The following BICDL1 variants were observed in gnomAD, a reference collection of about 807,000 sequenced individuals.
The protein encoded by BICDL1 is BICD family-like cargo adapter 1.
In BICDL1, 20 loss-of-function variants were observed where a neutral mutation model predicts 76.8. The ratio of observed to expected loss-of-function variants is 0.26; its 90% CI spans 0.18 to 0.38. The LOEUF is 0.38. Ranked by LOEUF, BICDL1 falls within the 10% of genes least tolerant of loss-of-function variation. The pLI is 1.00. For synonymous variants in BICDL1, 383 were observed against 337.1 expected (o/e 1.14, Z -1.49); for missense variants, 700 against 798.6 (o/e 0.88, Z 1.49).
chr12:120,079,010 C>A lies in BICDL1; in HGVS notation c.1453-1877C>A, dbSNP rs746249594. ...GGGCTCTGCCCTGGTGCCTTGTCTG[C>A]CTCGGGGCTAGATGCATGTGTGTGC... On this transcript the variant is annotated intron_variant, in intron 7 of 9. Coordinates refer to ENST00000548673, the MANE Select transcript of BICDL1 (RefSeq NM_001367886.1). This position sits in a 1 kb window ranked among gnomAD's most constrained non-coding sequence, Gnocchi z 4.3. Among the ~76,000 whole-genome samples, 13 of 152,336 alleles carry A rather than the reference C, an allele frequency of 8.5e-5. No individual in the cohort carries two copies. Among genetic ancestry groups the A allele is most frequent in the Non-Finnish European group, 1.3e-4 (9 of 68,024 alleles).
intron 2 of BICDL1, among the ~76,000 whole-genome samples, chr12:120,022,770 C>G (rs1175964060): frequency 1.3e-5 from 2 of 151,986 alleles, no homozygotes; most frequent in Non-Finnish European, 2.9e-5. Context: ...CCCAGACTGC[C>G]TTGACTTTCA....
chr12:120,084,255 G>C (rs1437368538), intron 8 of BICDL1, among the ~76,000 whole-genome samples: 1 of 152,126 alleles, frequency 6.6e-6, no homozygotes, highest in Non-Finnish European at 1.5e-5. Context: ...ACCCGCCCTG[G>C]CCTCCCAAAG....
At chr12:119,990,892 G>T (rs930142511) in intron 1 of BICDL1, among the ~76,000 whole-genome samples, 3 of 152,178 alleles carry the variant, frequency 2.0e-5, no homozygotes, top group Non-Finnish European at 4.4e-5. Context: ...ATTTAATTTG[G>T]GCCTCAGTAT....
At chr12:120,064,691 G>T in intron 3 of BICDL1, 42 bp from the exon 4 acceptor site, 1 of 1,563,922 alleles carries the variant, frequency 6.4e-7, no homozygotes, top group Non-Finnish European at 8.6e-7. Context: ...TGTCAGCCCG[G>T]GTGTAACTCC....
In BICDL1 at chr12:120,063,182, T is replaced by G. The variant is rs143882260; in HGVS notation, c.762+1356T>G. 9.3e-4 allele frequency among the ~76,000 whole-genome samples: 141 copies of G among 152,300 alleles called. 1 individual carries two copies. The East Asian group carries it at 0.025, about 27-fold the overall frequency. ...ACTGAAAGTTGGGAAACAAAGATGA[T>G]TCATGGGAAGGAAAATTTAAAGGTC... is the stretch of plus-strand genomic sequence containing the variant. On this transcript the variant is annotated intron_variant, in intron 3 of 9. Coordinates refer to ENST00000548673, the MANE Select transcript of BICDL1 (RefSeq NM_001367886.1).
intron 3 of BICDL1, among the ~76,000 whole-genome samples, chr12:120,063,099 A>G (rs1175073496): frequency 6.6e-6 from 1 of 152,158 alleles, no homozygotes; most frequent in Non-Finnish European, 1.5e-5. Flanking sequence ...GTAGCTCCGA[A>G]CTAAGTTTTT....
At chr12:120,092,860 G>C in intron 9 of BICDL1, 140 bp from the exon 10 acceptor site, 8 of 1,410,674 alleles carry the variant, frequency 5.7e-6, no homozygotes, top group Non-Finnish European at 7.4e-6. Flanking sequence ...CGCTTTCTTG[G>C]TCAGGGCAGT....
chr12:120,072,830 T>C (rs2138950035), intron 6 of BICDL1, 101 bp downstream of exon 6: 1 of 952,246 alleles, frequency 1.1e-6, no homozygotes, highest in Non-Finnish European at 1.6e-6. Flanking sequence ...ACTGGAACCC[T>C]ATAAAATATC....
intron 2 of BICDL1, among the ~76,000 whole-genome samples, chr12:120,014,923 GA>G (rs113876968): frequency 8.7e-5 from 13 of 150,196 alleles, no homozygotes; most frequent in African/African-American, 2.7e-4. Context: ...TCCTTTGTTT[GA>G]AAAAAAAATG....
Position 119,995,194 on chromosome 12 carries a change from C to G in BICDL1, c.430-3327C>G, listed in dbSNP as rs142879086. ...ACCTTCACACTTCCTGACAGTCTCC[C>G]TAGAGTTTTCTGGTTAATTTAGCAC... On this transcript the variant is annotated intron_variant, in intron 1 of 9. Coordinates refer to ENST00000548673, the MANE Select transcript of BICDL1 (RefSeq NM_001367886.1). Among the ~76,000 whole-genome samples the G allele has an allele frequency of 1.5e-4, 23 of 152,256 alleles. No homozygotes were observed. In the East Asian group the frequency reaches 2.1e-3, roughly 14 times the overall value.
intron 2 of BICDL1, among the ~76,000 whole-genome samples, chr12:120,026,948 A>G (rs1047289001): frequency 6.6e-6 from 1 of 152,036 alleles, no homozygotes; most frequent in Non-Finnish European, 1.5e-5. Flanking sequence ...ATTCCATGGG[A>G]AAACTGGGAT....
Position 120,072,423 on chromosome 12 carries a change from C to G in BICDL1, c.1090-88C>G, listed in dbSNP as rs1447029695. On this transcript the variant is annotated intron_variant, in intron 5 of 9. Coordinates refer to ENST00000548673, the MANE Select transcript of BICDL1 (RefSeq NM_001367886.1). ...CTTCTAGAACTGGTGTCTTGGGTAT[C>G]AGTATTTTGGGTTCAGAGCTAGAAA... is the stretch of plus-strand genomic sequence containing the variant. The G allele has an allele frequency of 1.2e-5, 15 of 1,200,986 alleles. No homozygotes were observed. The Admixed American group carries it at 2.7e-4, about 22-fold the overall frequency. 74.4% of individuals were successfully genotyped at this position (1,200,986 alleles called of 1,614,324 possible).
chr12:119,993,547 C>A (rs1343606856), intron 1 of BICDL1: 1 of 151,776 alleles, frequency 6.6e-6, no homozygotes, highest in Non-Finnish European at 1.5e-5. Context: ...AAGGTTTGGG[C>A]CATTTTTTCC....
At chr12:120,012,638 A>G (rs538878694) in intron 2 of BICDL1, among the ~76,000 whole-genome samples, 4 of 152,352 alleles carry the variant, frequency 2.6e-5, no homozygotes, top group Non-Finnish European at 5.9e-5. Context: ...TACATTAATG[A>G]TAAGATCTAA....
chr12:120,052,813 C>T (rs980600897), intron 2 of BICDL1, among the ~76,000 whole-genome samples: 1 of 152,210 alleles, frequency 6.6e-6, no homozygotes, highest in Non-Finnish European at 1.5e-5. Flanking sequence ...CGCTTTGTCA[C>T]CCAGGCTGGA....
intron 2 of BICDL1, among the ~76,000 whole-genome samples, chr12:120,001,041 C>T (rs1482044400): frequency 1.3e-5 from 2 of 151,782 alleles, no homozygotes; most frequent in Admixed American, 1.3e-4. Context: ...TTTTTGTTAT[C>T]CTTTCTGGCC....
intron 8 of BICDL1, among the ~76,000 whole-genome samples, chr12:120,081,952 T>C (rs1474380441): frequency 6.7e-6 from 1 of 150,264 alleles, no homozygotes; most frequent in East Asian, 2.0e-4. Flanking sequence ...CACAATACAA[T>C]GATCACACTT....
chr12:120,013,337 C>T (rs1206940005), intron 2 of BICDL1, among the ~76,000 whole-genome samples: 2 of 151,134 alleles, frequency 1.3e-5, no homozygotes, highest in Non-Finnish European at 1.5e-5. Flanking sequence ...AATTATAAAG[C>T]CTGTGGTCCA....
intron 2 of BICDL1, among the ~76,000 whole-genome samples, chr12:120,037,992 C>CAGTG (rs1952558880): frequency 6.6e-6 from 1 of 152,212 alleles, no homozygotes; most frequent in Non-Finnish European, 1.5e-5. Flanking sequence ...GAACATTAAG[C>CAGTG]AGTGTCTAAT....
Sources: gnomAD v4.1 joint callset for allele counts (sites outside exome capture counted in the v4.1 genomes callset) on GRCh38, gnomAD v4.1.1 for gene constraint, Gnocchi (gnomAD v3.1) non-coding constraint, MANE v1.5 for transcripts, NCBI Gene and HGNC (gene_info 2026-07-23, HGNC 2026-07-21) for gene names.